The following SPON1 variants were observed in gnomAD, a reference collection of about 807,000 sequenced individuals.
SPON1 encodes the protein spondin-1.
A neutral mutation model predicts 111.7 loss-of-function variants in SPON1; 52 were observed. The ratio of observed to expected loss-of-function variants is 0.47; its 90% CI spans 0.37 to 0.59. SPON1 has a LOEUF of 0.59. Ranked by LOEUF, SPON1 falls within the 20% of genes least tolerant of loss-of-function variation. The probability of loss-of-function intolerance (pLI) is 0.00; values close to 1 mark genes in which losing one functional copy is unlikely to be tolerated. For synonymous variants in SPON1, 410 were observed against 395.8 expected, an observed-to-expected ratio of 1.04 and a Z score of -0.43; for missense variants, 957 against 1,068.5, an observed-to-expected ratio of 0.90 and a Z score of 1.46.
At chr11:14,052,475 G>A (rs1848715225) in intron 3 of SPON1, among the ~76,000 whole-genome samples, 1 of 152,172 alleles carries the variant, frequency 6.6e-6, no homozygotes, top group African/African-American at 2.4e-5. Context: ...TTGTAAGTCA[G>A]GGTGGTTTTA....
chr11:14,052,752 C>G (rs1564894312), intron 3 of SPON1, among the ~76,000 whole-genome samples: 1 of 152,202 alleles, frequency 6.6e-6, no homozygotes, highest in Non-Finnish European at 1.5e-5. Flanking sequence ...AGTCCAATGG[C>G]AGCAGAGTTT....
At chr11:13,987,511 A>G (rs1336328269) in intron 2 of SPON1, among the ~76,000 whole-genome samples, 1 of 151,936 alleles carries the variant, frequency 6.6e-6, no homozygotes, top group Non-Finnish European at 1.5e-5. Flanking sequence ...TTGCCTGTTC[A>G]CTCTGATGGT....
At chr11:14,225,253 G>T (rs946327874) in intron 6 of SPON1, among the ~76,000 whole-genome samples, 1 of 152,122 alleles carries the variant, frequency 6.6e-6, no homozygotes, top group African/African-American at 2.4e-5. Flanking sequence ...GGTTATCTGT[G>T]GGTAGTGGGA....
chr11:14,054,329 G>A (rs1554918926), intron 3 of SPON1, among the ~76,000 whole-genome samples: 7 of 152,180 alleles, frequency 4.6e-5, no homozygotes. Flanking sequence ...GCTGTCATCA[G>A]CACTCCAGTT....
chr11:14,227,089 C>T (rs1554938224), intron 6 of SPON1, among the ~76,000 whole-genome samples: 1 of 152,202 alleles, frequency 6.6e-6, no homozygotes. Flanking sequence ...GAAGCATTCA[C>T]AGGATCCAGG....
At chr11:14,069,374 G>A (rs1554920648) in intron 3 of SPON1, among the ~76,000 whole-genome samples, 3 of 152,096 alleles carry the variant, frequency 2.0e-5, no homozygotes, top group African/African-American at 7.2e-5. Context: ...GATCCAATAT[G>A]CTATAAGTCC....
chr11:14,184,108 A>C (rs1365023522), intron 6 of SPON1, among the ~76,000 whole-genome samples: 1 of 152,182 alleles, frequency 6.6e-6, no homozygotes, highest in Non-Finnish European at 1.5e-5. Context: ...CAATAATTTC[A>C]TCATCATTTC....
In SPON1 at chr11:14,045,140, C is replaced by T. The variant is rs374330266; in HGVS notation, c.479+3486C>T. Among the ~76,000 whole-genome samples the T allele has an allele frequency of 2.6e-5, 4 of 152,288 alleles. No individual in the cohort carries two copies. In the South Asian group the frequency reaches 8.3e-4, roughly 32 times the overall value. On this transcript the variant is annotated intron_variant, in intron 3 of 15. Coordinates refer to ENST00000576479, the MANE Select transcript of SPON1 (RefSeq NM_006108.4). Reference sequence around the variant, plus strand: ...AAAGCTTGCCAACTTAAACACTCTCCCTGACTGTGAACAAGAGAGCCTAAA... The same window carrying T: ...AAAGCTTGCCAACTTAAACACTCTCTCTGACTGTGAACAAGAGAGCCTAAA...
At chr11:14,119,533 A>C (rs1849289641) in intron 5 of SPON1, among the ~76,000 whole-genome samples, 2 of 152,220 alleles carry the variant, frequency 1.3e-5, no homozygotes, top group Admixed American at 6.5e-5. Context: ...GTCAGTCAAC[A>C]GGAAGAGGCC....
intron 6 of SPON1, among the ~76,000 whole-genome samples, chr11:14,191,132 A>AT (rs563337629): frequency 3.3e-4 from 51 of 152,286 alleles, no homozygotes; most frequent in Middle Eastern, 3.4e-3. Flanking sequence ...GTGAAATGTT[A>AT]TTTTAAACCA....
At chr11:14,156,738 T>C (rs1251185130) in intron 6 of SPON1, among the ~76,000 whole-genome samples, 1 of 152,088 alleles carries the variant, frequency 6.6e-6, no homozygotes, top group Middle Eastern at 3.2e-3. Context: ...CCAGCACCAT[T>C]TATTAAATAG....
chr11:14,190,135 C>T (rs1321462476), intron 6 of SPON1, among the ~76,000 whole-genome samples: 1 of 152,190 alleles, frequency 6.6e-6, no homozygotes, highest in South Asian at 2.1e-4. Context: ...GCTCCAACAT[C>T]TGGACCCAGG....
chr11:14,001,328 T>G (rs1554912418), intron 2 of SPON1, among the ~76,000 whole-genome samples: 1 of 152,186 alleles, frequency 6.6e-6, no homozygotes, highest in East Asian at 1.9e-4. Context: ...CTCATCAGGT[T>G]CTCACGGTGA....
At chr11:14,184,124 G>T (rs1848262861) in intron 6 of SPON1, among the ~76,000 whole-genome samples, 1 of 152,092 alleles carries the variant, frequency 6.6e-6, no homozygotes, top group Admixed American at 6.6e-5. Flanking sequence ...ATTTCAACCA[G>T]CCTTAGTCCC....
intron 6 of SPON1, among the ~76,000 whole-genome samples, chr11:14,150,724 T>G (rs1847777197): frequency 1.3e-5 from 2 of 152,150 alleles, no homozygotes; most frequent in Non-Finnish European, 2.9e-5. Flanking sequence ...CCTGCTGAAA[T>G]GGTAATCATT....
At chr11:14,213,580 G>GAGCACTTTCTATGTACAA (rs1301495844) in intron 6 of SPON1, among the ~76,000 whole-genome samples, 12 of 152,156 alleles carry the variant, frequency 7.9e-5, no homozygotes, top group Non-Finnish European at 4.4e-5. Context: ...GATATTTATT[G>GAGCACTTTCTATGTACAA]AGCACTTTCT....
At chr11:14,078,138 G>A (rs1848933107) in intron 4 of SPON1, among the ~76,000 whole-genome samples, 1 of 152,054 alleles carries the variant, frequency 6.6e-6, no homozygotes, top group Admixed American at 6.6e-5. Flanking sequence ...TTCCTTAGTA[G>A]GAAAACAGTA....
intron 5 of SPON1, among the ~76,000 whole-genome samples, chr11:14,113,385 C>A (rs1849240152): frequency 6.6e-6 from 1 of 152,062 alleles, no homozygotes; most frequent in African/African-American, 2.4e-5. Context: ...TTGCAGTGTT[C>A]TCAGCTGCCA....
intron 6 of SPON1, among the ~76,000 whole-genome samples, chr11:14,187,591 G>A (rs1273667250): frequency 2.6e-5 from 4 of 152,080 alleles, no homozygotes; most frequent in Non-Finnish European, 5.9e-5. Context: ...TTAGTTTGGG[G>A]TCCTAAAAGA....
Sources: allele counts gnomAD v4.1 joint callset (sites outside exome capture counted in the v4.1 genomes callset), GRCh38; gene constraint gnomAD v4.1.1; transcripts MANE v1.5; gene names NCBI Gene and HGNC (gene_info 2026-07-23, HGNC 2026-07-21).